Variants in SLC1A3 observed in about 807,000 individuals in gnomAD.
The protein encoded by SLC1A3 is solute carrier family 1 member 3.
Under a neutral mutation model 48.1 loss-of-function variants are expected in SLC1A3, and 21 were observed. The ratio of observed to expected loss-of-function variants is 0.44; its 90% CI spans 0.31 to 0.63. The LOEUF is 0.63. Among genes scored for constraint, SLC1A3 ranks in the 20% least tolerant of loss-of-function variants. SLC1A3 has a pLI of 0.08. For synonymous variants in SLC1A3, 239 were observed against 251.4 expected (o/e 0.95, Z 0.47); for missense variants, 546 against 689.0 (o/e 0.79, Z 2.32).
chr5:36,666,982 G>A (rs1018455581), intron 3 of SLC1A3, among the ~76,000 whole-genome samples: 2 of 152,178 alleles, frequency 1.3e-5, no homozygotes, highest in Admixed American at 6.5e-5. Context: ...GGTGTTTGAA[G>A]CAAAGTTTTA....
At chr5:36,605,884 G>T (rs1274448321), upstream of SLC1A3, among the ~76,000 whole-genome samples, 1 of 152,192 alleles carries the variant, frequency 6.6e-6, no homozygotes, top group African/African-American at 2.4e-5. Context: ...CATCTGAACA[G>T]CAACCTATCT....
upstream of SLC1A3, among the ~76,000 whole-genome samples, chr5:36,605,993 C>G (rs1240255621): frequency 6.6e-6 from 1 of 152,200 alleles, no homozygotes; most frequent in African/African-American, 2.4e-5. Context: ...ACATTTGCTA[C>G]CTTTTCCGTC....
rs896150475 is a variant in SLC1A3, at chr5:36,647,067, T to C, written c.319+17480T>C. On this transcript the variant is annotated intron_variant, in intron 3 of 9. Coordinates refer to ENST00000265113, the MANE Select transcript of SLC1A3 (RefSeq NM_004172.5). ...AACCACCTCTATTCCAAAGCCTTGG[T>C]GTCACTAGCCAAGATGTATCTATTC... 3.9e-5 allele frequency among the ~76,000 whole-genome samples: 6 copies of C among 152,358 alleles called. No homozygotes were observed. In the East Asian group the frequency reaches 1.2e-3, roughly 29 times the overall value.
intron 3 of SLC1A3, among the ~76,000 whole-genome samples, chr5:36,665,576 A>G (rs1013698723): frequency 4.2e-4 from 64 of 152,378 alleles, no homozygotes; most frequent in African/African-American, 1.5e-3. Flanking sequence ...TACCTGTTTA[A>G]TAAGTAATAA....
chr5:36,638,354 A>C (rs1740476552), intron 3 of SLC1A3, among the ~76,000 whole-genome samples: 1 of 152,336 alleles, frequency 6.6e-6, no homozygotes, highest in African/African-American at 2.4e-5. Context: ...CTCTCCTGGC[A>C]GAAACCCTGT....
intron 3 of SLC1A3, among the ~76,000 whole-genome samples, chr5:36,641,386 T>C (rs978735659): frequency 1.3e-5 from 2 of 152,206 alleles, no homozygotes; most frequent in African/African-American, 4.8e-5. Flanking sequence ...CTAGGTTATT[T>C]CTAGTTGAGC....
chr5:36,608,964 C>G, intron 2 of SLC1A3: 1 of 1,017,254 alleles, frequency 9.8e-7, no homozygotes. Flanking sequence ...ATGTCAGTTG[C>G]ACTTAAAACT....
At chr5:36,664,912 G>T (rs1207610749) in intron 3 of SLC1A3, among the ~76,000 whole-genome samples, 1 of 152,202 alleles carries the variant, frequency 6.6e-6, no homozygotes, top group Non-Finnish European at 1.5e-5. Flanking sequence ...GCAATAGGGT[G>T]CCCATTCCAT....
intron 2 of SLC1A3, among the ~76,000 whole-genome samples, chr5:36,614,446 G>A (rs539502353): frequency 3.9e-5 from 6 of 152,224 alleles, no homozygotes; most frequent in African/African-American, 1.4e-4. Context: ...AGCCTTAATA[G>A]TTGTAACGGG....
At chr5:36,600,475 A>T (rs1738795339) in intron 1 of SLC1A3, among the ~76,000 whole-genome samples, 1 of 152,138 alleles carries the variant, frequency 6.6e-6, no homozygotes, top group African/African-American at 2.4e-5. Flanking sequence ...CCTGTTGATT[A>T]TTAAGCGATT....
chr5:36,608,319 C>T lies in SLC1A3; in HGVS notation c.-95-10C>T. 9.7e-7 allele frequency: 1 copy of T among 1,027,526 alleles called. No homozygotes were observed. Among genetic ancestry groups the T allele is most frequent in the Non-Finnish European group, 1.5e-6 (1 of 676,858 alleles). The allele number at this position is 1,027,526 out of a possible 1,614,324, so 63.7% of individuals were successfully genotyped here. ...GGCTATAACTCATGTCTCTTTTTCT[C>T]CCATTCTAGTTGTGTTTTCTAATAC... On this transcript the variant is annotated splice_polypyrimidine_tract_variant and intron_variant, in intron 1 of 9. Coordinates refer to ENST00000265113, the MANE Select transcript of SLC1A3 (RefSeq NM_004172.5).
At chr5:36,655,757 G>T (rs2111865176) in intron 3 of SLC1A3, among the ~76,000 whole-genome samples, 1 of 152,262 alleles carries the variant, frequency 6.6e-6, no homozygotes, top group Non-Finnish European at 1.5e-5. Flanking sequence ...TGGGTTCCTT[G>T]ACCTCACTCA....
chr5:36,673,612 A>G (rs984300822), intron 4 of SLC1A3, among the ~76,000 whole-genome samples: 2 of 152,220 alleles, frequency 1.3e-5, no homozygotes, highest in South Asian at 4.1e-4. Context: ...TTTTCTGGAG[A>G]ACAAAATTCC....
intron 2 of SLC1A3, chr5:36,609,200 CT>C (rs1739094766): frequency 6.1e-6 from 6 of 980,426 alleles, no homozygotes; most frequent in South Asian, 4.7e-5. Flanking sequence ...CCAGCTATAC[CT>C]TTTTTTGAAT....
At chr5:36,631,393 G>A (rs1740127630) in intron 3 of SLC1A3, among the ~76,000 whole-genome samples, 1 of 151,880 alleles carries the variant, frequency 6.6e-6, no homozygotes, top group Non-Finnish European at 1.5e-5. Flanking sequence ...CTTTATTGAA[G>A]AAATAAGAAC....
intron 2 of SLC1A3, chr5:36,612,596 GAAA>G (rs372263439): frequency 1.9e-4 from 29 of 152,740 alleles, no homozygotes; most frequent in South Asian, 6.3e-4. Context: ...CTCCAAATAA[GAAA>G]AAAAAAATAA....
chr5:36,652,154 C>A (rs571268021), intron 3 of SLC1A3, among the ~76,000 whole-genome samples: 1 of 152,276 alleles, frequency 6.6e-6, no homozygotes, highest in South Asian at 2.1e-4. Context: ...CCATGGCATG[C>A]AATTCTGCCG....
At chr5:36,629,772 A>AT (rs1740067193) in intron 3 of SLC1A3, among the ~76,000 whole-genome samples, 185 bp downstream of exon 3, 1 of 152,106 alleles carries the variant, frequency 6.6e-6, no homozygotes, top group African/African-American at 2.4e-5. Context: ...TAACTCTCGT[A>AT]TTTTACCAAT....
rs371070478 is a variant in SLC1A3, at chr5:36,644,798, A to G, written c.319+15211A>G. The stretch of plus-strand genomic sequence containing the variant: ...AGATACTCAAGTTAACCAGGATGTT[A>G]GTCTGTGGGTCAGTGATCAGGTATC... On this transcript the variant is annotated intron_variant, in intron 3 of 9. Transcript: ENST00000265113. 4.4e-4 allele frequency among the ~76,000 whole-genome samples: 67 copies of G among 152,284 alleles called. 1 individual carries two copies. The highest frequency in any genetic ancestry group is 1.5e-3 in the African/African-American group (61 of 41,552).
Sources: allele counts gnomAD v4.1 joint callset (sites outside exome capture counted in the v4.1 genomes callset), GRCh38; gene constraint gnomAD v4.1.1; transcripts MANE v1.5; gene names NCBI Gene and HGNC (gene_info 2026-07-23, HGNC 2026-07-21).